Variants in MKNK2 observed in about 807,000 individuals in gnomAD.
MKNK2 encodes the protein MAPK interacting serine/threonine kinase 2.
Under a neutral mutation model 55.0 loss-of-function variants are expected in MKNK2, and 54 were observed. That is an observed-to-expected ratio of 0.98 (90% CI 0.79 to 1.23). The LOEUF is 1.23. Among genes scored for constraint, MKNK2 ranks in the 50% most tolerant of loss-of-function variants. The pLI, the probability that MKNK2 is intolerant of heterozygous loss-of-function variation, is 0.00. For synonymous variants in MKNK2, 323 were observed against 256.0 expected, an observed-to-expected ratio of 1.26 and a Z score of -2.50; for missense variants, 685 against 632.1, an observed-to-expected ratio of 1.08 and a Z score of -0.90.
rs992182532 is a variant in MKNK2 at position 2,050,941 on chromosome 19, G to A, written c.-90C>T. On this transcript the variant is annotated 5_prime_UTR_variant, in exon 2 of 14. Transcript: ENST00000250896. ...CGGCCGGGCGGGGGGCGGCCGAGGAGGGGACCCTGCGGGCGGGAGCAGACA... is the reference window on the plus strand; with the variant it reads ...CGGCCGGGCGGGGGGCGGCCGAGGAAGGGACCCTGCGGGCGGGAGCAGACA... 1.2e-6 allele frequency: 1 copy of A among 859,912 alleles called. No homozygotes were observed. Among genetic ancestry groups the A allele is most frequent in the African/African-American group, 1.8e-5 (1 of 55,178 alleles). The allele number at this position is 859,912 out of a possible 1,614,324, so 53.3% of individuals were successfully genotyped here.
At chr19:2,045,755 C>T (rs1337818094) in intron 5 of MKNK2, among the ~76,000 whole-genome samples, 1 of 152,214 alleles carries the variant, frequency 6.6e-6, no homozygotes, top group Non-Finnish European at 1.5e-5. Context: ...ACCAGAGCCT[C>T]AACAGGGCTC....
chr19:2,042,562 G>A, intron 9 of MKNK2, 40 bp from the exon 10 acceptor site: 2 of 1,577,114 alleles, frequency 1.3e-6, no homozygotes, highest in Non-Finnish European at 1.7e-6. Flanking sequence ...GGGGTCCCAC[G>A]CGGTCCACCC....
At chr19:2,043,628 A>G in intron 5 of MKNK2, 46 bp from the exon 6 acceptor site, 4 of 1,565,946 alleles carry the variant, frequency 2.6e-6, no homozygotes, top group Non-Finnish European at 3.5e-6. Context: ...TGGGACGCTC[A>G]TAGTCGAGAA....
In MKNK2 at chr19:2,039,387, T is replaced by A; in HGVS notation, c.*226A>T. 2 of 1,388,104 alleles carry A rather than the reference T, an allele frequency of 1.4e-6. No individual in the cohort carries two copies. Among genetic ancestry groups the A allele is most frequent in the South Asian group, 3.5e-5 (2 of 56,942 alleles). The allele number at this position is 1,388,104 out of a possible 1,614,324, so 86.0% of individuals were successfully genotyped here. On this transcript the variant is annotated 3_prime_UTR_variant, in exon 14 of 14. Coordinates refer to ENST00000250896, the MANE Select transcript of MKNK2 (RefSeq NM_199054.3). Reference sequence around the variant, plus strand: ...TGCTCACCTTCCCGGGTGCCTGCAATGCTTTTAACCATCCAAAGGAAAAAA... The same window carrying A: ...TGCTCACCTTCCCGGGTGCCTGCAAAGCTTTTAACCATCCAAAGGAAAAAA...
Position 2,038,788 on chromosome 19 carries a change from C to T in MKNK2, c.*825G>A. 31 of 985,552 alleles carry T rather than the reference C, an allele frequency of 3.1e-5. No individual in the cohort carries two copies. The highest frequency in any genetic ancestry group is 3.6e-5 in the Non-Finnish European group (30 of 829,832). 61.1% of individuals were successfully genotyped at this position (985,552 alleles called of 1,614,324 possible). ...TGACAGTGCCTGTCCAGCCCCTCTG[C>T]CTGCTGCGGTGGAAACGGCTTCGGG... On this transcript the variant is annotated 3_prime_UTR_variant, in exon 14 of 14. Transcript: ENST00000250896.
intron 13 of MKNK2, 91 bp downstream of exon 13, chr19:2,040,043 C>CA (rs2016841786): frequency 2.1e-6 from 3 of 1,461,752 alleles, no homozygotes; most frequent in Non-Finnish European, 2.8e-6. Flanking sequence ...TCCCCGACCC[C>CA]AAAGCAGTTC....
At chr19:2,050,761 G>A (rs1173980591) in intron 2 of MKNK2, 40 bp downstream of exon 2, 11 of 1,524,472 alleles carry the variant, frequency 7.2e-6, no homozygotes, top group South Asian at 1.2e-5. Flanking sequence ...CATTCCGGTG[G>A]TCCAGCCCGG....
In MKNK2 at chr19:2,039,831, A is replaced by C. The variant is rs962807365; in HGVS notation, c.1180T>G (p.Ser394Ala). The C allele has an allele frequency of 4.4e-6, 7 of 1,599,634 alleles. No homozygotes were observed. The highest frequency in any genetic ancestry group is 5.1e-6 in the Non-Finnish European group (6 of 1,176,342). Residue 394 changes from serine to alanine, a missense_variant, in exon 14 of 14, where the codon TCC (serine) becomes GCC (alanine). Coordinates refer to ENST00000250896, the MANE Select transcript of MKNK2 (RefSeq NM_199054.3). ...QRNSCAKDLTSFAAEAIAMNR... is the reference protein window; with the variant it reads ...QRNSCAKDLTAFAAEAIAMNR... ...ATGGCAATGGCCTCAGCCGCGAAGG[A>C]CGTGAGGTCTTTGGCACAGCTGTTC... is the stretch of plus-strand genomic sequence containing the variant.
Position 2,043,578 on chromosome 19 carries a change from A to C in MKNK2, c.344T>G (p.Ile115Ser). 2 of 1,614,008 alleles carry C rather than the reference A, an allele frequency of 1.2e-6. No individual in the cohort carries two copies. The highest frequency in any genetic ancestry group is 1.7e-6 in the Non-Finnish European group (2 of 1,179,938). Residue 115 changes from isoleucine (I) to serine (S), a missense_variant, in exon 6 of 14, where the codon ATT (isoleucine) becomes AGT (serine). Physicochemically the swap from Ile to Ser is moderately radical, Grantham distance 142. Coordinates refer to ENST00000250896, the MANE Select transcript of MKNK2 (RefSeq NM_199054.3). ...CCGAATGTGGCCTGGCTGCTTCTCA[A>C]TGATCTGAAACAGGCGAAAGGACAC... ...ITSQEYAVKI[I>S]EKQPGHIRSR...
chr19:2,038,581 G>A lies in MKNK2; in HGVS notation c.*1032C>T, dbSNP rs1240554426. 1.8e-5 allele frequency: 18 copies of A among 985,358 alleles called. No homozygotes were observed. The highest frequency in any genetic ancestry group is 9.4e-5 in the South Asian group (2 of 21,298). 61.0% of individuals were successfully genotyped at this position (985,358 alleles called of 1,614,324 possible). A position where few individuals can be genotyped will look rare whatever the true frequency, so the allele number is the denominator to read the frequency against. On this transcript the variant is annotated 3_prime_UTR_variant, in exon 14 of 14. Transcript: ENST00000250896. The stretch of plus-strand genomic sequence containing the variant: ...GCAGACCAAAAACACTGCCCTGGGG[G>A]TGAGGATTCGGCCAGACCCCGGGGT...
intron 2 of MKNK2, among the ~76,000 whole-genome samples, chr19:2,050,137 C>A (rs563939526): frequency 2.5e-4 from 38 of 152,304 alleles, no homozygotes; most frequent in African/African-American, 7.7e-4. Flanking sequence ...CCAAGATTTG[C>A]TCATCTGAAA....
chr19:2,041,992 A>G lies in MKNK2; in HGVS notation c.793T>C (p.Phe265Leu). 6.4e-7 allele frequency: 1 copy of G among 1,556,280 alleles called. No individual in the cohort carries two copies. Among genetic ancestry groups the G allele is most frequent in the Non-Finnish European group, 8.7e-7 (1 of 1,151,548 alleles). ...EYMAPEVVEA[F>L]SEEASIYDKR... ...TCGTAGATGCTAGCCTCCTCGCTGAAGGCCTCCACTACCTCCGGGGCCATG... is the reference window on the plus strand; with the variant it reads ...TCGTAGATGCTAGCCTCCTCGCTGAGGGCCTCCACTACCTCCGGGGCCATG... Residue 265 changes from phenylalanine to leucine, a missense_variant, in exon 11 of 14, where the codon TTC becomes CTC. Transcript: ENST00000250896.
intron 12 of MKNK2, 85 bp downstream of exon 12, chr19:2,040,955 C>T (rs1410810155): frequency 5.2e-6 from 7 of 1,356,842 alleles, no homozygotes; most frequent in South Asian, 2.4e-5. Context: ...GTCCAGGCTA[C>T]ACCCTCAGGG....
Position 2,038,110 on chromosome 19 carries a change from C to T in MKNK2, c.*1503G>A, listed in dbSNP as rs1446207997. 3 of 1,105,680 alleles carry T rather than the reference C, an allele frequency of 2.7e-6. No homozygotes were observed. Among genetic ancestry groups the T allele is most frequent in the Non-Finnish European group, 3.3e-6 (3 of 905,496 alleles). 68.5% of individuals were successfully genotyped at this position (1,105,680 alleles called of 1,614,324 possible). A position where few individuals can be genotyped will look rare whatever the true frequency, so the allele number is the denominator to read the frequency against. ...CAGGGAAGGCAGAGCACCCCCACGG[C>T]CACCGGACTGTGACCATCATACGAG... On this transcript the variant is annotated 3_prime_UTR_variant, in exon 14 of 14. Transcript: ENST00000250896.
At chr19:2,050,270 C>A (rs935114760) in intron 2 of MKNK2, among the ~76,000 whole-genome samples, 11 of 152,250 alleles carry the variant, frequency 7.2e-5, no homozygotes, top group Non-Finnish European at 2.9e-5. Context: ...TCCCCTCCCC[C>A]ACGGCACAGG....
intron 2 of MKNK2, among the ~76,000 whole-genome samples, chr19:2,050,042 G>A (rs985864139): frequency 1.3e-5 from 2 of 152,152 alleles, no homozygotes; most frequent in African/African-American, 2.4e-5. Context: ...CGGCCTGAGG[G>A]GTGGGGCGGG....
chr19:2,041,333 A>G, intron 11 of MKNK2, 129 bp from the exon 12 acceptor site: 1 of 940,578 alleles, frequency 1.1e-6, no homozygotes, highest in Non-Finnish European at 1.6e-6. Context: ...CCTGGGGCAG[A>G]GGGGGCTGGG....
intron 11 of MKNK2, among the ~76,000 whole-genome samples, chr19:2,041,491 G>C (rs969899732): frequency 6.6e-6 from 1 of 152,122 alleles, no homozygotes; most frequent in Non-Finnish European, 1.5e-5. Context: ...CCCAAACCAG[G>C]GGCCTCACTC....
Position 2,050,856 on chromosome 19 carries a change from T to C in MKNK2, c.-5A>G, listed in dbSNP as rs1230400250. On this transcript the variant is annotated 5_prime_UTR_variant, in exon 2 of 14. Transcript: ENST00000250896. ...GGCTGGTTTCTTCTGCACCATCTTCTGTCCGGGCCCCGCCAGCGGGGGAGG... is the reference window on the plus strand; with the variant it reads ...GGCTGGTTTCTTCTGCACCATCTTCCGTCCGGGCCCCGCCAGCGGGGGAGG... 4 of 1,506,578 alleles carry C rather than the reference T, an allele frequency of 2.7e-6. No homozygotes were observed. The highest frequency in any genetic ancestry group is 3.6e-6 in the Non-Finnish European group (4 of 1,126,398). 93.3% of individuals were successfully genotyped at this position (1,506,578 alleles called of 1,614,324 possible).
Sources: gnomAD v4.1 joint callset for allele counts (sites outside exome capture counted in the v4.1 genomes callset) on GRCh38, gnomAD v4.1.1 for gene constraint, MANE v1.5 for transcripts, NCBI Gene and HGNC (gene_info 2026-07-23, HGNC 2026-07-21) for gene names.